Variants in PCSK5 observed in about 807,000 individuals in gnomAD.
The protein encoded by PCSK5 is prohormone convertase 5.
A neutral mutation model predicts 233.2 loss-of-function variants in PCSK5; 129 were observed. That is an observed-to-expected ratio of 0.55 (90% CI 0.48 to 0.64). The LOEUF is 0.64. PCSK5 is among the 30% of genes least tolerant of loss of function. PCSK5 has a pLI of 0.00. For synonymous variants in PCSK5, 825 were observed against 879.2 expected (o/e 0.94, Z 1.09); for missense variants, 2,076 against 2,430.1 (o/e 0.85, Z 3.06).
In PCSK5 at chr9:75,957,405, G is replaced by A. The variant is rs1289485032; in HGVS notation, c.297+24922G>A. Among the ~76,000 whole-genome samples the A allele has an allele frequency of 2.0e-5, 3 of 152,180 alleles. No homozygotes were observed. The East Asian group carries it at 5.8e-4, about 29-fold the overall frequency. ...ATGGAATGTGCTGTATAAACACCAG[G>A]CAGTGTTGTTACAATAAATAGCAAA... On this transcript the variant is annotated intron_variant, in intron 2 of 37. Transcript: ENST00000674117.
intron 7 of PCSK5, among the ~76,000 whole-genome samples, chr9:76,090,769 C>T (rs749621299): frequency 7.2e-5 from 11 of 152,122 alleles, no homozygotes; most frequent in Non-Finnish European, 1.3e-4. Context: ...ACATTCATTA[C>T]GCACATTATT....
chr9:76,173,439 C>T (rs529027313), intron 13 of PCSK5, among the ~76,000 whole-genome samples: 6 of 133,162 alleles, frequency 4.5e-5, no homozygotes, highest in East Asian at 2.5e-4. Context: ...CTTCTGCTTA[C>T]GGTTGATTCC....
At chr9:76,351,447 G>GAAA (rs1491332963) in intron 36 of PCSK5, among the ~76,000 whole-genome samples, 2 of 27,472 alleles carry the variant, frequency 7.3e-5, no homozygotes, top group Non-Finnish European at 1.5e-4. Flanking sequence ...GTGAAAGAAA[G>GAAA]GAAAGAAAGA....
chr9:75,971,676 AATG>A (rs1485840352), intron 2 of PCSK5, among the ~76,000 whole-genome samples: 1 of 152,176 alleles, frequency 6.6e-6, no homozygotes, highest in African/African-American at 2.4e-5. Flanking sequence ...GCATTTCTAT[AATG>A]ATCAGTGATG....
chr9:76,149,173 C>G (rs1453530553), intron 10 of PCSK5, among the ~76,000 whole-genome samples: 1 of 152,122 alleles, frequency 6.6e-6, no homozygotes, highest in Non-Finnish European at 1.5e-5. Flanking sequence ...CCTGAGAAGC[C>G]TACATAGTGG....
At chr9:76,278,931 C>T (rs1827776906) in intron 24 of PCSK5, among the ~76,000 whole-genome samples, 1 of 151,834 alleles carries the variant, frequency 6.6e-6, no homozygotes, top group African/African-American at 2.4e-5. Context: ...TTTTATTATA[C>T]TTTAAGTTTT....
At position 75,891,197 on chromosome 9, in the gene PCSK5, C is replaced by G. The variant is rs914951971; in HGVS notation, c.16C>G (p.Arg6Gly). ...CGCCGGGACCATGGGCTGGGGGAGC[C>G]GCTGCTGCTGCCCGGGACGTTTGGA... MGWGSRCCCPGRLDLL... is the reference protein window; with the variant it reads MGWGSGCCCPGRLDLL... Residue 6 changes from arginine (R) to glycine (G), a missense_variant, in exon 1 of 38, where the codon CGC becomes GGC. Transcript: ENST00000674117. 5 of 1,481,756 alleles carry G rather than the reference C, an allele frequency of 3.4e-6. No homozygotes were observed. The highest frequency in any genetic ancestry group is 4.4e-6 in the Non-Finnish European group (5 of 1,124,708). The allele number at this position is 1,481,756 out of a possible 1,614,324, so 91.8% of individuals were successfully genotyped here. A position where few individuals can be genotyped will look rare whatever the true frequency, so the allele number is the denominator to read the frequency against.
chr9:76,004,987 A>T (rs1458374299), intron 3 of PCSK5, among the ~76,000 whole-genome samples: 1 of 152,232 alleles, frequency 6.6e-6, no homozygotes, highest in Non-Finnish European at 1.5e-5. Flanking sequence ...AAGAAGATAT[A>T]TCTGGAGGTT....
At chr9:76,255,457 G>T (rs555171925) in intron 24 of PCSK5, among the ~76,000 whole-genome samples, 183 of 152,310 alleles carry the variant, frequency 1.2e-3, no homozygotes, top group Middle Eastern at 3.4e-3. Flanking sequence ...ATATTAGAAT[G>T]TATTGTTCAG....
chr9:76,255,765 G>A (rs1477589961), intron 24 of PCSK5, among the ~76,000 whole-genome samples: 1 of 152,092 alleles, frequency 6.6e-6, no homozygotes, highest in Non-Finnish European at 1.5e-5. Context: ...ATCCCGGGAG[G>A]CTGAGGCTGC....
At chr9:75,955,839 T>C (rs893217228) in intron 2 of PCSK5, among the ~76,000 whole-genome samples, 2 of 152,154 alleles carry the variant, frequency 1.3e-5, no homozygotes, top group African/African-American at 4.8e-5. Context: ...TTCTAATACC[T>C]AAGATTGTTT....
chr9:75,949,300 CATA>C lies in PCSK5; in HGVS notation c.297+16819_297+16821del, dbSNP rs1824734449. ...TGTGACATTGGTGTAAGTACTGAGG[CATA>C]ACTTTTTTTTTCAAATGGGGTTGGA... On this transcript the variant is annotated intron_variant, in intron 2 of 37. Coordinates refer to ENST00000674117, the MANE Select transcript of PCSK5 (RefSeq NM_001372043.1). Among the ~76,000 whole-genome samples, 3 of 151,628 alleles carry C rather than the reference CATA, an allele frequency of 2.0e-5. No individual in the cohort carries two copies. The South Asian group carries it at 6.3e-4, about 32-fold the overall frequency.
At chr9:76,322,195 C>T (rs773037517) in intron 31 of PCSK5, among the ~76,000 whole-genome samples, 16 of 152,164 alleles carry the variant, frequency 1.1e-4, no homozygotes, top group African/African-American at 2.9e-4. Context: ...GGTGATCCAC[C>T]GTCCTCAGCC....
At chr9:76,336,822 G>T (rs1017069441) in intron 34 of PCSK5, among the ~76,000 whole-genome samples, 9 of 152,132 alleles carry the variant, frequency 5.9e-5, no homozygotes, top group Admixed American at 1.3e-4. Context: ...GCACAGAGAT[G>T]TTGAGTGACT....
intron 3 of PCSK5, among the ~76,000 whole-genome samples, chr9:75,989,311 G>A (rs552555123): frequency 5.3e-5 from 8 of 152,194 alleles, no homozygotes; most frequent in South Asian, 2.1e-4. Flanking sequence ...TGGACAACAC[G>A]ATGAAGCCCC....
At chr9:75,934,923 T>G (rs1823983457) in intron 2 of PCSK5, among the ~76,000 whole-genome samples, 1 of 152,060 alleles carries the variant, frequency 6.6e-6, no homozygotes, top group Non-Finnish European at 1.5e-5. Context: ...TCAGAAACTT[T>G]TTATTTACAG....
At chr9:76,263,509 T>A (rs1042945201) in intron 24 of PCSK5, among the ~76,000 whole-genome samples, 2 of 152,056 alleles carry the variant, frequency 1.3e-5, no homozygotes, top group African/African-American at 4.8e-5. Flanking sequence ...ATCATCATTC[T>A]CAGTAAACTA....
rs1286020691 is a variant in PCSK5 at position 76,282,145 on chromosome 9, T to TTTTTTTTTTTTTTC, written c.3143-10086_3143-10085insTTTTTTTTTTTCTT. On this transcript the variant is annotated intron_variant, in intron 24 of 37. Transcript: ENST00000674117. ...CTTTTTTTTTTTTTTTTTTTTTTTT[T>TTTTTTTTTTTTTTC]TTCGCTCTGTTGCCCAGGCTGGAGC... Among the ~76,000 whole-genome samples the TTTTTTTTTTTTTTC allele has an allele frequency of 2.2e-4, 22 of 98,988 alleles. 4 individuals carry two copies. Among genetic ancestry groups the TTTTTTTTTTTTTTC allele is most frequent in the Non-Finnish European group, 3.9e-4 (19 of 48,198 alleles). The allele number at this position is 98,988 out of a possible 152,430, so 64.9% of individuals were successfully genotyped here. A position where few individuals can be genotyped will look rare whatever the true frequency, so the allele number is the denominator to read the frequency against.
intron 2 of PCSK5, among the ~76,000 whole-genome samples, chr9:75,953,347 G>A (rs1029524021): frequency 1.3e-5 from 2 of 152,214 alleles, no homozygotes; most frequent in African/African-American, 2.4e-5. Context: ...TCCAGAAAGC[G>A]TAGCAACCAC....
Sources: gnomAD v4.1 joint callset for allele counts (sites outside exome capture counted in the v4.1 genomes callset) on GRCh38, gnomAD v4.1.1 for gene constraint, MANE v1.5 for transcripts, NCBI Gene and HGNC (gene_info 2026-07-23, HGNC 2026-07-21) for gene names.